Variants in CFAP20 observed in about 807,000 individuals in gnomAD.
The protein encoded by CFAP20 is cilia and flagella associated protein 20.
Under a neutral mutation model 25.5 loss-of-function variants are expected in CFAP20, and 14 were observed. The observed-to-expected ratio is 0.55, with a 90% CI of 0.36 to 0.86. The LOEUF is 0.86. Ranked by LOEUF, CFAP20 falls within the 40% of genes least tolerant of loss-of-function variation. The probability of loss-of-function intolerance (pLI) is 0.01; values close to 1 mark genes in which losing one functional copy is unlikely to be tolerated. For missense variants in CFAP20, 181 were observed against 248.0 expected, an observed-to-expected ratio of 0.73 and a Z score of 1.81; for synonymous variants, 75 against 91.1, an observed-to-expected ratio of 0.82 and a Z score of 1.01.
At chr16:58,121,684 C>T (rs1162725570) in intron 1 of CFAP20, among the ~76,000 whole-genome samples, 2 of 152,134 alleles carry the variant, frequency 1.3e-5, no homozygotes, top group Non-Finnish European at 2.9e-5. Context: ...ACCAAAGCTT[C>T]AGGCCAGTCT....
chr16:58,115,529 G>A, intron 3 of CFAP20, 72 bp from the exon 4 acceptor site: 1 of 1,543,702 alleles, frequency 6.5e-7, no homozygotes, highest in Non-Finnish European at 8.8e-7. Flanking sequence ...TCCAGACAAG[G>A]ACCTGAATTC....
intron 1 of CFAP20, chr16:58,119,406 G>C (rs1197512135): frequency 1.3e-5 from 2 of 152,244 alleles, no homozygotes; most frequent in African/African-American, 4.8e-5. Flanking sequence ...TGGCACATAT[G>C]AATAGGTTCA....
intron 1 of CFAP20, among the ~76,000 whole-genome samples, chr16:58,117,595 A>AT (rs201547464): frequency 1.7e-3 from 253 of 146,684 alleles, no homozygotes; most frequent in Admixed American, 2.7e-3. Context: ...TGCCCAGCCG[A>AT]TTTTTTTTTT....
intron 1 of CFAP20, among the ~76,000 whole-genome samples, chr16:58,123,431 C>T (rs1229556865): frequency 6.7e-6 from 1 of 148,714 alleles, no homozygotes; most frequent in African/African-American, 2.4e-5. Context: ...CCTATCTTTA[C>T]TAAAAATGCA....
In CFAP20 at chr16:58,127,200, G is replaced by C. The variant is rs540141341; in HGVS notation, c.84+1832C>G. ...TTTTATATTCTTGGGTAAACATGTTGACTATTCAAAAAGCCTCATTTGAAA... is the reference window on the plus strand; with the variant it reads ...TTTTATATTCTTGGGTAAACATGTTCACTATTCAAAAAGCCTCATTTGAAA... On this transcript the variant is annotated intron_variant, in intron 1 of 5. Coordinates refer to ENST00000262498, the MANE Select transcript of CFAP20 (RefSeq NM_013242.3). Among the ~76,000 whole-genome samples, 10 of 152,220 alleles carry C rather than the reference G, an allele frequency of 6.6e-5. No homozygotes were observed. The East Asian group carries it at 1.9e-3, about 29-fold the overall frequency.
chr16:58,119,199 G>A (rs1287427629), intron 1 of CFAP20: 2 of 152,160 alleles, frequency 1.3e-5, no homozygotes, highest in Admixed American at 6.5e-5. Context: ...GTGTTCTAAA[G>A]GTGACATCTG....
intron 1 of CFAP20, among the ~76,000 whole-genome samples, chr16:58,119,533 A>G (rs985104783): frequency 2.6e-5 from 4 of 152,152 alleles, no homozygotes; most frequent in South Asian, 2.1e-4. Flanking sequence ...TGCTTCCACA[A>G]ATGGGTGCCC....
intron 1 of CFAP20, 126 bp downstream of exon 1, chr16:58,128,906 G>A (rs1303599058): frequency 3.6e-6 from 3 of 825,080 alleles, no homozygotes. Flanking sequence ...CTGGGGACAA[G>A]GCACAGCAGC....
rs374069961 is a variant in CFAP20 at position 58,114,767 on chromosome 16, C to A, written c.576+43G>T. On this transcript the variant is annotated intron_variant, in intron 5 of 5. Coordinates refer to ENST00000262498, the MANE Select transcript of CFAP20 (RefSeq NM_013242.3). ...GAGCACCTTCCAGGAACACAGCTCC[C>A]CCCACTCACTGGTGGACCTTCCTCT... The A allele has an allele frequency of 3.3e-5, 49 of 1,487,724 alleles. No individual in the cohort carries two copies. In the African/African-American group the frequency reaches 6.1e-4, roughly 19 times the overall value. The allele number at this position is 1,487,724 out of a possible 1,614,324, so 92.2% of individuals were successfully genotyped here.
chr16:58,122,368 A>C (rs964056092), intron 1 of CFAP20, among the ~76,000 whole-genome samples: 2 of 152,078 alleles, frequency 1.3e-5, no homozygotes, highest in Non-Finnish European at 2.9e-5. Context: ...ATCACCTGAG[A>C]TCAGGAGTTT....
chr16:58,124,480 TAGAC>T (rs1960583025), intron 1 of CFAP20, among the ~76,000 whole-genome samples: 4 of 152,210 alleles, frequency 2.6e-5, no homozygotes, highest in Admixed American at 6.5e-5. Flanking sequence ...TACACAGACT[TAGAC>T]AGTACAACAT....
intron 1 of CFAP20, 57 bp downstream of exon 1, chr16:58,128,975 C>T: frequency 2.6e-6 from 4 of 1,557,946 alleles, no homozygotes; most frequent in African/African-American, 1.4e-5. Context: ...CCCCAGCCCC[C>T]GGACGAGGAG....
intron 4 of CFAP20, 157 bp downstream of exon 4, chr16:58,115,112 G>A (rs1347684223): frequency 5.2e-6 from 6 of 1,152,150 alleles, no homozygotes; most frequent in Middle Eastern, 2.1e-4. Flanking sequence ...CCCGACTTCT[G>A]AATATTTCCT....
At position 58,113,832 on chromosome 16, in the gene CFAP20, C is replaced by T; in HGVS notation, c.*193G>A. On this transcript the variant is annotated 3_prime_UTR_variant, in exon 6 of 6. Coordinates refer to ENST00000262498, the MANE Select transcript of CFAP20 (RefSeq NM_013242.3). ...GCGCCACTCACAGGACTGCTTACCC[C>T]CACTGCACTTACAATGCAGTCACAG... 1 of 641,584 alleles carries T rather than the reference C, an allele frequency of 1.6e-6. No homozygotes were observed. Among genetic ancestry groups the T allele is most frequent in the Non-Finnish European group, 2.8e-6 (1 of 363,348 alleles). The allele number at this position is 641,584 out of a possible 1,614,324, so 39.7% of individuals were successfully genotyped here. A position where few individuals can be genotyped will look rare whatever the true frequency, so the allele number is the denominator to read the frequency against.
chr16:58,120,444 G>A (rs1248828284), intron 1 of CFAP20, among the ~76,000 whole-genome samples: 1 of 152,182 alleles, frequency 6.6e-6, no homozygotes, highest in Admixed American at 6.5e-5. Flanking sequence ...AGAAAGACCA[G>A]CCAGATCTCA....
intron 1 of CFAP20, among the ~76,000 whole-genome samples, chr16:58,120,058 C>T (rs1403481338): frequency 6.6e-6 from 1 of 152,142 alleles, no homozygotes; most frequent in Admixed American, 6.5e-5. Flanking sequence ...ACCTAAGTGG[C>T]GATATTCCTC....
Position 58,115,271 on chromosome 16 carries a change from G to T in CFAP20, c.463C>A (p.Gln155Lys). The change falls in exon 4 of 6, where the codon CAG becomes AAG. Residue 155 changes from glutamine to lysine, a missense_variant and splice_region_variant. Physicochemically the swap from Gln to Lys is moderately conservative, Grantham distance 53. Coordinates refer to ENST00000262498, the MANE Select transcript of CFAP20 (RefSeq NM_013242.3). ...TCTATCTGGGAAAGGAGCAGTACCT[G>T]CACTCTGAGGGTCTCGATGTAATTG... ...GTNYIETLRV[Q>K]IHANCRIRRV... 12 of 1,614,114 alleles carry T rather than the reference G, an allele frequency of 7.4e-6. No individual in the cohort carries two copies. Among genetic ancestry groups the T allele is most frequent in the Non-Finnish European group, 9.3e-6 (11 of 1,180,026 alleles).
chr16:58,114,970 C>T, intron 4 of CFAP20, 50 bp from the exon 5 acceptor site: 1 of 1,491,360 alleles, frequency 6.7e-7, no homozygotes, highest in South Asian at 1.1e-5. Flanking sequence ...TGTTCTCCCC[C>T]TTTTCCTGAA....
At position 58,128,933 on chromosome 16, in the gene CFAP20, C is replaced by T. The variant is rs368283396; in HGVS notation, c.84+99G>A. On this transcript the variant is annotated intron_variant, in intron 1 of 5. Coordinates refer to ENST00000262498, the MANE Select transcript of CFAP20 (RefSeq NM_013242.3). The stretch of plus-strand genomic sequence containing the variant: ...CACAGCAGCGTCCTCTCGGCCTCTC[C>T]CAGGCCCCAATTCGACACAACCATT... 1.7e-4 allele frequency: 231 copies of T among 1,362,740 alleles called. 1 individual carries two copies. In the East Asian group the frequency reaches 4.1e-3, roughly 24 times the overall value. The allele number at this position is 1,362,740 out of a possible 1,614,324, so 84.4% of individuals were successfully genotyped here.
Sources: allele counts gnomAD v4.1 joint callset (sites outside exome capture counted in the v4.1 genomes callset), GRCh38; gene constraint gnomAD v4.1.1; transcripts MANE v1.5; gene names NCBI Gene and HGNC (gene_info 2026-07-23, HGNC 2026-07-21).